FHIT: variants seen among roughly 807,000 people sequenced by gnomAD.
FHIT encodes fragile histidine triad diadenosine triphosphatase, also known as bis(5'-adenosyl)-triphosphatase.
In FHIT, 19 loss-of-function variants were observed where a neutral mutation model predicts 17.9. The observed-to-expected ratio is 1.06, with a 90% CI of 0.74 to 1.56. FHIT has a LOEUF of 1.56. FHIT is among the 40% of genes most tolerant of loss of function. The pLI is 0.00. For missense variants in FHIT, 248 were observed against 189.2 expected, an observed-to-expected ratio of 1.31 and a Z score of -1.82; for synonymous variants, 81 against 69.7, an observed-to-expected ratio of 1.16 and a Z score of -0.81.
At chr3:60,331,059 C>T (rs1230696810) in intron 5 of FHIT, among the ~76,000 whole-genome samples, 1 of 152,156 alleles carries the variant, frequency 6.6e-6, no homozygotes, top group African/African-American at 2.4e-5. Context: ...CATATCTTAG[C>T]GTGGAGTTGA....
At chr3:60,432,366 C>A (rs1702943487) in intron 5 of FHIT, among the ~76,000 whole-genome samples, 1 of 151,990 alleles carries the variant, frequency 6.6e-6, no homozygotes, top group African/African-American at 2.4e-5. Flanking sequence ...GAGTGTTGGA[C>A]CTAATCTAGA....
rs75950601 is a variant in FHIT at position 59,947,690 on chromosome 3, C to T, written c.280-25276G>A. Reference sequence around the variant, plus strand: ...TCCCCCAGCTTTGTTCTCTGCCCCTCAAGGTTAAGAACCTGCTGTGCTGGA... The same window carrying T: ...TCCCCCAGCTTTGTTCTCTGCCCCTTAAGGTTAAGAACCTGCTGTGCTGGA... On this transcript the variant is annotated intron_variant, in intron 7 of 9. Coordinates refer to ENST00000492590, the MANE Select transcript of FHIT (RefSeq NM_002012.4). Among the ~76,000 whole-genome samples, 421 of 152,172 alleles carry T rather than the reference C, an allele frequency of 2.8e-3. 4 individuals are homozygous for T. Among genetic ancestry groups the T allele is most frequent in the African/African-American group, 9.6e-3 (399 of 41,504 alleles).
intron 5 of FHIT, among the ~76,000 whole-genome samples, chr3:60,228,361 C>T (rs980545799): frequency 4.6e-5 from 7 of 151,828 alleles, no homozygotes; most frequent in East Asian, 1.9e-4. Flanking sequence ...TTTGGGAAGA[C>T]GAAAATGTTC....
intron 3 of FHIT, among the ~76,000 whole-genome samples, chr3:61,012,840 G>T (rs945795982): frequency 2.6e-5 from 4 of 151,830 alleles, no homozygotes; most frequent in African/African-American, 9.6e-5. Context: ...TTAATGTTCT[G>T]AGACTATATG....
chr3:60,656,059 C>T (rs2040108087), intron 4 of FHIT, among the ~76,000 whole-genome samples: 1 of 152,194 alleles, frequency 6.6e-6, no homozygotes, highest in Admixed American at 6.5e-5. Flanking sequence ...TAAACGATAG[C>T]TGCTGTGCTA....
At chr3:59,942,962 T>C (rs111288450) in intron 7 of FHIT, among the ~76,000 whole-genome samples, 7 of 152,250 alleles carry the variant, frequency 4.6e-5, no homozygotes, top group African/African-American at 7.2e-5. Context: ...TAGTTCTCTA[T>C]AGGAGTCTCT....
Position 60,796,741 on chromosome 3 carries a change from T to C in FHIT, c.-18+25178A>G, listed in dbSNP as rs565834691. On this transcript the variant is annotated intron_variant, in intron 4 of 9. Coordinates refer to ENST00000492590, the MANE Select transcript of FHIT (RefSeq NM_002012.4). The stretch of plus-strand genomic sequence containing the variant: ...AGATTACAGGTGTGTGCCACCACAC[T>C]CAACTAATGTTTGTATTTTTAGTAG... 1.0e-3 allele frequency among the ~76,000 whole-genome samples: 152 copies of C among 152,232 alleles called. 1 individual carries two copies. The highest frequency in any genetic ancestry group is 2.4e-4 in the Non-Finnish European group (16 of 68,012).
intron 4 of FHIT, among the ~76,000 whole-genome samples, chr3:60,628,434 T>G (rs910804493): frequency 6.6e-5 from 10 of 152,208 alleles, no homozygotes; most frequent in Non-Finnish European, 1.5e-4. Flanking sequence ...TTCTCTGATA[T>G]TTCTGTTGTC....
chr3:59,837,103 C>T (rs115182405), intron 8 of FHIT, among the ~76,000 whole-genome samples: 262 of 152,282 alleles, frequency 1.7e-3, no homozygotes, highest in African/African-American at 5.9e-3. Context: ...TTTGTACAGG[C>T]TCCATCTGGC....
At chr3:60,208,379 A>G (rs1340108939) in intron 5 of FHIT, among the ~76,000 whole-genome samples, 2 of 95,970 alleles carry the variant, frequency 2.1e-5, no homozygotes, top group Admixed American at 2.5e-4. Flanking sequence ...ACCTCCCCCC[A>G]AATTGTAAAT....
intron 2 of FHIT, among the ~76,000 whole-genome samples, chr3:61,111,543 A>G (rs1440085996): frequency 6.6e-6 from 1 of 152,208 alleles, no homozygotes; most frequent in African/African-American, 2.4e-5. Context: ...GCGTGGAGGA[A>G]AGAATATATG....
chr3:60,420,406 T>C (rs369278707), intron 5 of FHIT, among the ~76,000 whole-genome samples: 3 of 152,230 alleles, frequency 2.0e-5, no homozygotes, highest in Admixed American at 6.5e-5. Flanking sequence ...TAATTTTGTA[T>C]ATATATTTTT....
chr3:60,707,735 G>T (rs2041410862), intron 4 of FHIT, among the ~76,000 whole-genome samples: 1 of 152,112 alleles, frequency 6.6e-6, no homozygotes, highest in Admixed American at 6.5e-5. Flanking sequence ...AGAAAATATT[G>T]TTTAAAATAA....
At chr3:59,773,722 C>A (rs1180999973) in intron 8 of FHIT, among the ~76,000 whole-genome samples, 1 of 152,124 alleles carries the variant, frequency 6.6e-6, no homozygotes, top group Non-Finnish European at 1.5e-5. Flanking sequence ...GGACTGCAGA[C>A]CAACATCACC....
intron 5 of FHIT, among the ~76,000 whole-genome samples, chr3:60,512,624 A>T (rs1459003176): frequency 6.6e-6 from 1 of 152,222 alleles, no homozygotes; most frequent in Non-Finnish European, 1.5e-5. Flanking sequence ...TCAACTAACC[A>T]AATGGTGAAA....
At chr3:60,706,185 T>C (rs782706590) in intron 4 of FHIT, among the ~76,000 whole-genome samples, 7 of 147,606 alleles carry the variant, frequency 4.7e-5, no homozygotes, top group African/African-American at 1.3e-4. Flanking sequence ...TAAGTGGGAA[T>C]TGAACAATGA....
intron 8 of FHIT, among the ~76,000 whole-genome samples, chr3:59,817,008 TGAA>T (rs1273633006): frequency 6.6e-6 from 1 of 152,070 alleles, no homozygotes; most frequent in African/African-American, 2.4e-5. Context: ...CTTTGTTCAG[TGAA>T]GAAGATTCCC....
chr3:60,026,768 A>T (rs1439976727), intron 5 of FHIT, among the ~76,000 whole-genome samples: 2 of 152,178 alleles, frequency 1.3e-5, no homozygotes, highest in African/African-American at 4.8e-5. Context: ...CTATGTTTAG[A>T]CAGCACAGAA....
intron 5 of FHIT, among the ~76,000 whole-genome samples, chr3:60,431,006 G>A (rs1702871079): frequency 6.6e-6 from 1 of 152,056 alleles, no homozygotes; most frequent in African/African-American, 2.4e-5. Flanking sequence ...GAGGTCAACA[G>A]TTCAAGACCA....
Sources: allele counts gnomAD v4.1 joint callset (sites outside exome capture counted in the v4.1 genomes callset), GRCh38; gene constraint gnomAD v4.1.1; transcripts MANE v1.5; gene names NCBI Gene and HGNC (gene_info 2026-07-23, HGNC 2026-07-21).